KCTD16: variants seen among roughly 807,000 people sequenced by gnomAD.
The protein encoded by KCTD16 is BTB/POZ domain-containing protein KCTD16.
Under a neutral mutation model 33.2 loss-of-function variants are expected in KCTD16, and 13 were observed. That is an observed-to-expected ratio of 0.39 (90% CI 0.25 to 0.62). KCTD16 has a LOEUF of 0.62. KCTD16 is among the 20% of genes least tolerant of loss of function. The probability of loss-of-function intolerance (pLI) is 0.50; values close to 1 mark genes in which losing one functional copy is unlikely to be tolerated. For missense variants in KCTD16, 441 were observed against 525.1 expected, an observed-to-expected ratio of 0.84 and a Z score of 1.57; for synonymous variants, 197 against 195.3, an observed-to-expected ratio of 1.01 and a Z score of -0.07.
chr5:144,219,360 C>T (rs962526703), intron 3 of KCTD16, among the ~76,000 whole-genome samples: 4 of 151,444 alleles, frequency 2.6e-5, no homozygotes, highest in Non-Finnish European at 4.4e-5. Context: ...ATTACAGGCC[C>T]CCGCCACTGC....
chr5:144,212,712 G>A lies in KCTD16; in HGVS notation c.832+5166G>A, dbSNP rs767465709. Reference sequence around the variant, plus strand: ...GAATGCTCAGTTTCTGCATCATAACGCACTGTTGCTCTTTTTCTTTTGCCT... The same window carrying A: ...GAATGCTCAGTTTCTGCATCATAACACACTGTTGCTCTTTTTCTTTTGCCT... On this transcript the variant is annotated intron_variant, in intron 3 of 3. Coordinates refer to ENST00000512467, the MANE Select transcript of KCTD16 (RefSeq NM_020768.4). 6.6e-5 allele frequency among the ~76,000 whole-genome samples: 10 copies of A among 152,272 alleles called. No homozygotes were observed. The East Asian group carries it at 7.7e-4, about 12-fold the overall frequency.
chr5:144,444,436 TG>T (rs1252456265), intron 3 of KCTD16, among the ~76,000 whole-genome samples: 1 of 152,066 alleles, frequency 6.6e-6, no homozygotes, highest in Non-Finnish European at 1.5e-5. Flanking sequence ...AAGTAAGGCT[TG>T]TTCTATTATA....
chr5:144,250,499 C>T (rs778210831), intron 3 of KCTD16, among the ~76,000 whole-genome samples: 19 of 152,172 alleles, frequency 1.2e-4, no homozygotes, highest in Non-Finnish European at 2.8e-4. Flanking sequence ...CTTCCAGAAA[C>T]GTTTTTCTCA....
intron 3 of KCTD16, among the ~76,000 whole-genome samples, chr5:144,420,233 C>T (rs1753178443): frequency 6.6e-6 from 1 of 152,022 alleles, no homozygotes; most frequent in African/African-American, 2.4e-5. Context: ...GCATCCCTGC[C>T]CTCTACCTCA....
intron 3 of KCTD16, among the ~76,000 whole-genome samples, chr5:144,276,766 A>G (rs1755448812): frequency 6.6e-6 from 1 of 152,010 alleles, no homozygotes; most frequent in Non-Finnish European, 1.5e-5. Flanking sequence ...AGCCATGCAT[A>G]GTGGCTTACA....
In KCTD16 at chr5:144,321,091, G is replaced by C. The variant is rs574454374; in HGVS notation, c.832+113545G>C. ...GCTGGTCTTGAACTCCTGACTTCAA[G>C]TGATCCACCCATCTCGGCCTCCCAA... On this transcript the variant is annotated intron_variant, in intron 3 of 3. Coordinates refer to ENST00000512467, the MANE Select transcript of KCTD16 (RefSeq NM_020768.4). Among the ~76,000 whole-genome samples, 245 of 152,228 alleles carry C rather than the reference G, an allele frequency of 1.6e-3. 2 individuals carry two copies. The highest frequency in any genetic ancestry group is 1.9e-4 in the Non-Finnish European group (13 of 68,014).
At chr5:144,281,696 T>C (rs187153636) in intron 3 of KCTD16, among the ~76,000 whole-genome samples, 2 of 152,296 alleles carry the variant, frequency 1.3e-5, no homozygotes, top group African/African-American at 4.8e-5. Context: ...GTTAATTAGG[T>C]CAAATTGATT....
chr5:144,449,130 A>G (rs1379163479), intron 3 of KCTD16, among the ~76,000 whole-genome samples: 1 of 152,096 alleles, frequency 6.6e-6, no homozygotes, highest in African/African-American at 2.4e-5. Context: ...GAAGTTAAGT[A>G]TAGTTAGAGA....
chr5:144,263,473 G>A (rs927249508), intron 3 of KCTD16, among the ~76,000 whole-genome samples: 1 of 152,004 alleles, frequency 6.6e-6, no homozygotes, highest in African/African-American at 2.4e-5. Context: ...AATAGAAAAT[G>A]GTATCTGGTT....
chr5:144,182,446 A>T (rs898214470), intron 2 of KCTD16, among the ~76,000 whole-genome samples: 2 of 152,268 alleles, frequency 1.3e-5, no homozygotes, highest in Admixed American at 1.3e-4. Context: ...ATACAAAAGC[A>T]GAATAGAATG....
intron 2 of KCTD16, among the ~76,000 whole-genome samples, chr5:144,187,836 C>T (rs1478296980): frequency 6.6e-6 from 1 of 152,148 alleles, no homozygotes; most frequent in Non-Finnish European, 1.5e-5. Flanking sequence ...TATTGGAAAC[C>T]AGCCAGGATC....
intron 3 of KCTD16, among the ~76,000 whole-genome samples, chr5:144,280,916 G>A (rs1044667308): frequency 1.3e-5 from 2 of 151,650 alleles, no homozygotes; most frequent in African/African-American, 4.9e-5. Context: ...TTAGCCGGGC[G>A]TGGTGGTGGG....
chr5:144,303,369 C>A lies in KCTD16; in HGVS notation c.832+95823C>A, dbSNP rs79870242. ...GAATAGCTTTATAGGCTTGTGAGAT[C>A]TCTGTAAAATCTTTTATGATTTGTT... On this transcript the variant is annotated intron_variant, in intron 3 of 3. Coordinates refer to ENST00000512467, the MANE Select transcript of KCTD16 (RefSeq NM_020768.4). Among the ~76,000 whole-genome samples, 320 of 152,252 alleles carry A rather than the reference C, an allele frequency of 2.1e-3. 1 individual carries two copies. The East Asian group carries it at 0.037, about 18-fold the overall frequency.
At chr5:144,279,423 A>T in intron 3 of KCTD16, among the ~76,000 whole-genome samples, 1 of 152,232 alleles carries the variant, frequency 6.6e-6, no homozygotes, top group Non-Finnish European at 1.5e-5. Flanking sequence ...TAATTATAAT[A>T]GTAGCTGCAT....
Position 144,439,821 on chromosome 5 carries a change from T to G in KCTD16, c.833-33839T>G, listed in dbSNP as rs753156535. 2.4e-4 allele frequency among the ~76,000 whole-genome samples: 37 copies of G among 152,256 alleles called. 1 individual carries two copies. The highest frequency in any genetic ancestry group is 6.8e-3 in the Middle Eastern group (2 of 294). ...TCGTGTAAACTTGCTGTTTTTGTTTTTTTCCTGCCGGGTGTTGTATGTATG... is the reference window on the plus strand; with the variant it reads ...TCGTGTAAACTTGCTGTTTTTGTTTGTTTCCTGCCGGGTGTTGTATGTATG... On this transcript the variant is annotated intron_variant, in intron 3 of 3. Transcript: ENST00000512467.
chr5:144,456,041 A>G (rs1211079785), intron 3 of KCTD16, among the ~76,000 whole-genome samples: 1 of 152,170 alleles, frequency 6.6e-6, no homozygotes, highest in Non-Finnish European at 1.5e-5. Flanking sequence ...CACTTGCATG[A>G]TCTTCTACTT....
chr5:144,309,982 T>A (rs962893262), intron 3 of KCTD16, among the ~76,000 whole-genome samples: 2 of 151,998 alleles, frequency 1.3e-5, no homozygotes, highest in African/African-American at 4.8e-5. Context: ...TCTTTTATAA[T>A]TTTTTTTCTT....
At chr5:144,173,461 C>A (rs1486316034) in intron 1 of KCTD16, among the ~76,000 whole-genome samples, 1 of 152,098 alleles carries the variant, frequency 6.6e-6, no homozygotes, top group African/African-American at 2.4e-5. Context: ...AGGGGAGCAA[C>A]ACACAGTGGG....
rs1227090545 is a variant in KCTD16 at position 144,186,359 on chromosome 5, A to G, written c.-327+11887A>G. 9.1e-5 allele frequency among the ~76,000 whole-genome samples: 7 copies of G among 76,950 alleles called. 1 individual carries two copies. The highest frequency in any genetic ancestry group is 8.4e-5 in the Non-Finnish European group (3 of 35,780). The allele number at this position is 76,950 out of a possible 152,430, so 50.5% of individuals were successfully genotyped here. A position where few individuals can be genotyped will look rare whatever the true frequency, so the allele number is the denominator to read the frequency against. ...GCTAGATCTCATTTTTTTTAAAAAA[A>G]AAAAGAAAAAAAAAAAAACTAATGG... On this transcript the variant is annotated intron_variant, in intron 2 of 3. Transcript: ENST00000512467.
Sources: gnomAD v4.1 joint callset for allele counts (sites outside exome capture counted in the v4.1 genomes callset) on GRCh38, gnomAD v4.1.1 for gene constraint, MANE v1.5 for transcripts, NCBI Gene and HGNC (gene_info 2026-07-23, HGNC 2026-07-21) for gene names.